Variants in NPRL3 observed in about 807,000 individuals in gnomAD.
NPRL3 encodes the protein GATOR1 complex protein NPRL3.
NPRL3 carries 23 observed loss-of-function variants against 57.2 expected under a neutral mutation model. That is an observed-to-expected ratio of 0.40 (90% CI 0.29 to 0.57). The LOEUF is 0.57. NPRL3 is among the 20% of genes least tolerant of loss of function. The pLI is 0.42. For missense variants in NPRL3, 691 were observed against 767.1 expected (o/e 0.90, Z 1.17); for synonymous variants, 333 against 321.1 (o/e 1.04, Z -0.39).
intron 7 of NPRL3, among the ~76,000 whole-genome samples, chr16:101,090 T>C (rs1488351524): frequency 2.6e-5 from 4 of 151,584 alleles, no homozygotes; most frequent in Non-Finnish European, 5.9e-5. Flanking sequence ...CCGTACCCTG[T>C]CCTGGGGACT....
intron 6 of NPRL3, among the ~76,000 whole-genome samples, chr16:111,113 C>A (rs1043107084): frequency 2.6e-5 from 4 of 152,042 alleles, no homozygotes; most frequent in African/African-American, 9.7e-5. Context: ...TAAATTTTGA[C>A]AGGTAACCGG....
chr16:112,027 T>A (rs531375009), intron 6 of NPRL3, among the ~76,000 whole-genome samples: 1 of 152,250 alleles, frequency 6.6e-6, no homozygotes, highest in Non-Finnish European at 1.5e-5. Context: ...AATTGGTTAG[T>A]TGATAACCCA....
rs1201033319 is a variant in NPRL3, at chr16:98,255, C to T, written c.814G>A (p.Gly272Ser). Residue 272 changes from glycine (G) to serine (S), a missense_variant, in exon 9 of 14, where the codon GGT (glycine) becomes AGT (serine). Coordinates refer to ENST00000611875, the MANE Select transcript of NPRL3 (RefSeq NM_001077350.3). ...LLLSDEKSLL[G>S]ELPIDCSPAL... Reference sequence around the variant, plus strand: ...GGGGAGCAGTCAATAGGAAGCTCACCCAGCAAGGACTTCTCATCACTGAGC... The same window carrying T: ...GGGGAGCAGTCAATAGGAAGCTCACTCAGCAAGGACTTCTCATCACTGAGC... 3.1e-6 allele frequency: 5 copies of T among 1,613,958 alleles called. No homozygotes were observed. Among genetic ancestry groups the T allele is most frequent in the Non-Finnish European group, 3.4e-6 (4 of 1,179,868 alleles).
rs769246932 is a variant in NPRL3, at chr16:92,667, C to T, written c.1090G>A (p.Val364Ile). 2.2e-5 allele frequency: 35 copies of T among 1,613,704 alleles called. No homozygotes were observed. The highest frequency in any genetic ancestry group is 7.7e-5 in the South Asian group (7 of 91,052). The change falls in exon 11 of 14, where the codon GTT becomes ATT. Residue 364 changes from valine (V) to isoleucine (I), a missense_variant. Coordinates refer to ENST00000611875, the MANE Select transcript of NPRL3 (RefSeq NM_001077350.3). ...ACCGGCAAGGAGAACTTGGCAAGAA[C>T]GGACGGCAGGTCATGAGATGGGAAC... ...HQFPSHDLPS[V>I]LAKFSLPVSL...
Position 85,708 on chromosome 16 carries a change from C to A in NPRL3, c.*997G>T. ...GGGAGTGGGCCCGGAAACCCCTCCG[C>A]TTCTATGTCCGGGGCAGCCCCTGGG... On this transcript the variant is annotated 3_prime_UTR_variant, in exon 14 of 14. Transcript: ENST00000611875. 4 of 1,538,222 alleles carry A rather than the reference C, an allele frequency of 2.6e-6. No individual in the cohort carries two copies. Among genetic ancestry groups the A allele is most frequent in the Non-Finnish European group, 3.5e-6 (4 of 1,139,394 alleles).
intron 2 of NPRL3, among the ~76,000 whole-genome samples, chr16:137,661 T>C (rs1901168677): frequency 6.6e-6 from 1 of 152,002 alleles, no homozygotes; most frequent in Non-Finnish European, 1.5e-5. Context: ...GCAATTCTCC[T>C]GCCTCAGCCT....
intron 13 of NPRL3, 147 bp from the exon 14 acceptor site, chr16:87,017 C>T (rs967508770): frequency 2.5e-6 from 2 of 812,402 alleles, no homozygotes; most frequent in Non-Finnish European, 3.8e-6. Context: ...CACCACAGCC[C>T]CCCAACAAGG....
At chr16:119,393 A>AACTGCTGGTGGTAGCTC in intron 3 of NPRL3, 138 bp from the exon 4 acceptor site, 1 of 800,918 alleles carries the variant, frequency 1.2e-6, no homozygotes, top group Non-Finnish European at 2.0e-6. Context: ...GGTGGAAGCT[A>AACTGCTGGTGGTAGCTC]CTAACAGTTG....
intron 11 of NPRL3, chr16:90,599 T>C: frequency 6.6e-6 from 1 of 152,414 alleles, no homozygotes; most frequent in Non-Finnish European, 1.5e-5. Flanking sequence ...CCAGTCCCCA[T>C]GAGAAAGTAC....
intron 4 of NPRL3, 121 bp downstream of exon 4, chr16:119,005 C>T (rs984385339): frequency 7.6e-5 from 108 of 1,424,224 alleles, no homozygotes; most frequent in South Asian, 2.1e-4. Flanking sequence ...GAGAGCCACA[C>T]CTGCCCAGGG....
At position 112,758 on chromosome 16, in the gene NPRL3, T is replaced by C. The variant is rs752160458; in HGVS notation, c.411A>G (p.Ser137=). ...ACAGGTTATGCAGACAGTTTATCAC[T>C]GACGGGTCTGCGTTGGCCTGCAGGA... ...VFALRANADP[S]VINCLHNLSR... Residue 137 remains serine (S), a synonymous_variant, in exon 6 of 14, where the codon TCA becomes TCG. Transcript: ENST00000611875. 33 of 1,605,194 alleles carry C rather than the reference T, an allele frequency of 2.1e-5. No homozygotes were observed. The highest frequency in any genetic ancestry group is 1.7e-4 in the Middle Eastern group (1 of 6,060).
intron 7 of NPRL3, among the ~76,000 whole-genome samples, chr16:105,833 G>A (rs1489803674): frequency 6.6e-6 from 1 of 152,216 alleles, no homozygotes; most frequent in Non-Finnish European, 1.5e-5. Context: ...TCATATGAAT[G>A]AGTGACATGC....
At chr16:113,713 T>C (rs998403211) in intron 5 of NPRL3, among the ~76,000 whole-genome samples, 3 of 152,162 alleles carry the variant, frequency 2.0e-5, no homozygotes, top group African/African-American at 7.2e-5. Flanking sequence ...GTACTGCTGA[T>C]TACAACCTCT....
chr16:123,649 G>C, intron 3 of NPRL3: 1 of 447,246 alleles, frequency 2.2e-6, no homozygotes, highest in Non-Finnish European at 4.6e-6. Flanking sequence ...CAAAAGTCTA[G>C]CAGAAGTGCC....
At chr16:122,891 CAG>C (rs1184288100) in intron 3 of NPRL3, among the ~76,000 whole-genome samples, 1 of 152,218 alleles carries the variant, frequency 6.6e-6, no homozygotes, top group Non-Finnish European at 1.5e-5. Context: ...TGGAAGCTCA[CAG>C]ACACTGTGTG....
In NPRL3 at chr16:113,678, G is replaced by A. The variant is rs150190392; in HGVS notation, c.394-903C>T. ...GCTGAGTCATCCTGTGGGGGTGGAG[G>A]TGGGACAAGGGAAAGGGGTGAATGG... is the stretch of plus-strand genomic sequence containing the variant. On this transcript the variant is annotated intron_variant, in intron 5 of 13. Coordinates refer to ENST00000611875, the MANE Select transcript of NPRL3 (RefSeq NM_001077350.3). Among the ~76,000 whole-genome samples, 1,085 of 152,346 alleles carry A rather than the reference G, an allele frequency of 7.1e-3. 13 individuals are homozygous for A. Among genetic ancestry groups the A allele is most frequent in the South Asian group, 0.013 (61 of 4,832 alleles).
rs930210650 is a variant in NPRL3 at position 93,018 on chromosome 16, A to G, written c.1031+201T>C. The G allele has an allele frequency of 5.8e-5, 36 of 617,768 alleles. 1 individual carries two copies. Among genetic ancestry groups the G allele is most frequent in the Admixed American group, 2.8e-5 (1 of 36,348 alleles). The allele number at this position is 617,768 out of a possible 1,614,324, so 38.3% of individuals were successfully genotyped here. Reference sequence around the variant, plus strand: ...GGGCCAGGCATATGGGGGACACAGGAGAGCCACAGAGCACAGAGCCAGACC... The same window carrying G: ...GGGCCAGGCATATGGGGGACACAGGGGAGCCACAGAGCACAGAGCCAGACC... On this transcript the variant is annotated intron_variant, in intron 10 of 13. Transcript: ENST00000611875.
chr16:131,597 CAAAAAAAA>C (rs59373757), intron 2 of NPRL3, among the ~76,000 whole-genome samples: 3 of 69,718 alleles, frequency 4.3e-5, no homozygotes, highest in East Asian at 4.7e-4. Flanking sequence ...GACTCAGTCT[CAAAAAAAA>C]AAAAAAAAAA....
At chr16:89,975 G>T in intron 11 of NPRL3, 73 bp from the exon 12 acceptor site, 1 of 1,375,134 alleles carries the variant, frequency 7.3e-7, no homozygotes, top group Non-Finnish European at 9.8e-7. Flanking sequence ...GGGAGCCATG[G>T]CCCTAGACAT....
Sources: gnomAD v4.1 joint callset for allele counts (sites outside exome capture counted in the v4.1 genomes callset) on GRCh38, gnomAD v4.1.1 for gene constraint, MANE v1.5 for transcripts, NCBI Gene and HGNC (gene_info 2026-07-23, HGNC 2026-07-21) for gene names.